The following TRAK2 variants were observed in gnomAD, a reference collection of about 807,000 sequenced individuals.
TRAK2 encodes the protein trafficking kinesin-binding protein 2.
Under a neutral mutation model 104.6 loss-of-function variants are expected in TRAK2, and 81 were observed. The observed-to-expected ratio is 0.77, with a 90% CI of 0.65 to 0.93. The LOEUF (loss-of-function observed/expected upper bound fraction) is 0.93, where lower values mean the gene tolerates loss of function less well. Among genes scored for constraint, TRAK2 ranks in the 40% least tolerant of loss-of-function variants. The probability of loss-of-function intolerance (pLI) is 0.00; values close to 1 mark genes in which losing one functional copy is unlikely to be tolerated. For missense variants in TRAK2, 1,002 were observed against 1,089.0 expected, an observed-to-expected ratio of 0.92 and a Z score of 1.12; for synonymous variants, 406 against 394.4, an observed-to-expected ratio of 1.03 and a Z score of -0.35.
At chr2:201,426,699 G>C (rs1421921039) in intron 1 of TRAK2, among the ~76,000 whole-genome samples, 1 of 152,170 alleles carries the variant, frequency 6.6e-6, no homozygotes, top group Admixed American at 6.5e-5. Flanking sequence ...TCCATCTAAA[G>C]AATCATGCCA....
chr2:201,406,620 C>T (rs11684481), intron 3 of TRAK2, among the ~76,000 whole-genome samples: 2,225 of 152,278 alleles, frequency 0.015, 26 homozygotes, highest in Non-Finnish European at 0.023. Flanking sequence ...GATGCAATCA[C>T]CTACTTAATT....
chr2:201,387,709 G>C lies in TRAK2; in HGVS notation c.1690C>G (p.Leu564Val). 3 of 1,599,178 alleles carry C rather than the reference G, an allele frequency of 1.9e-6. No homozygotes were observed. Among genetic ancestry groups the C allele is most frequent in the Non-Finnish European group, 2.6e-6 (3 of 1,171,312 alleles). Residue 564 changes from leucine (L) to valine (V), a missense_variant, in exon 13 of 16, where the codon CTT becomes GTT. Physicochemically the swap from Leu to Val is conservative, Grantham distance 32 (BLOSUM62 1). Coordinates refer to ENST00000332624, the MANE Select transcript of TRAK2 (RefSeq NM_015049.3). Reference protein sequence around the residue: ...MPEKLQIVKPLEGSQTLYHWQ... With the variant: ...MPEKLQIVKPVEGSQTLYHWQ... ...GCCCTTACTGATTTATTACCTTCAA[G>C]GGGCTTGACAATTTGTAATTTTTCT... is the stretch of plus-strand genomic sequence containing the variant.
At chr2:201,413,574 G>T (rs10210858) in intron 2 of TRAK2, among the ~76,000 whole-genome samples, 1,766 of 152,150 alleles carry the variant, frequency 0.012, 51 homozygotes, top group African/African-American at 0.04. Flanking sequence ...AATCAAGACT[G>T]CTAAAATAAG....
In TRAK2 at chr2:201,384,187, A is replaced by G. The variant is rs1350480913; in HGVS notation, c.1993T>C (p.Ser665Pro). The change falls in exon 15 of 16, where the codon TCG becomes CCG. Residue 665 changes from serine to proline, a missense_variant. By Grantham distance (74) the Ser-to-Pro change is moderately conservative (BLOSUM62 -1). Coordinates refer to ENST00000332624, the MANE Select transcript of TRAK2 (RefSeq NM_015049.3). ...VATANPGKCLSCTNSTFTFTT... is the reference protein window; with the variant it reads ...VATANPGKCLPCTNSTFTFTT... ...AAAGTGAATGTTGAGTTTGTGCACGACAGGCACTTTCCTGGGTTGGCGGTT... is the reference window on the plus strand; with the variant it reads ...AAAGTGAATGTTGAGTTTGTGCACGGCAGGCACTTTCCTGGGTTGGCGGTT... 2.5e-6 allele frequency: 4 copies of G among 1,613,402 alleles called. No individual in the cohort carries two copies. The highest frequency in any genetic ancestry group is 3.4e-6 in the Non-Finnish European group (4 of 1,179,692).
chr2:201,430,036 T>A (rs1485712028), intron 1 of TRAK2, among the ~76,000 whole-genome samples: 1 of 152,240 alleles, frequency 6.6e-6, no homozygotes, highest in East Asian at 1.9e-4. Context: ...TTTGTTAGTT[T>A]TCCTTCTAAC....
At chr2:201,411,166 A>C (rs1384217822) in intron 2 of TRAK2, 6 of 755,136 alleles carry the variant, frequency 7.9e-6, no homozygotes, top group Admixed American at 2.0e-5. Context: ...TTATCCATCA[A>C]TGTGTCTGTC....
At chr2:201,449,028 G>C (rs534500324) in intron 1 of TRAK2, among the ~76,000 whole-genome samples, 1 of 152,292 alleles carries the variant, frequency 6.6e-6, no homozygotes, top group African/African-American at 2.4e-5. Flanking sequence ...CCTGTAAACT[G>C]AAAAGAACCT....
chr2:201,404,625 T>G (rs1249530735), intron 3 of TRAK2, among the ~76,000 whole-genome samples: 1 of 152,236 alleles, frequency 6.6e-6, no homozygotes, highest in Non-Finnish European at 1.5e-5. Context: ...TAATCCATTC[T>G]AATATCTGTC....
Position 201,421,981 on chromosome 2 carries a change from A to G in TRAK2, c.-199-1275T>C, listed in dbSNP as rs537667064. ...GGAGAATCGCTTGAGCCTGGGAGGC[A>G]GAGGTTGCAGTGAGCTGAGATTGCG... On this transcript the variant is annotated intron_variant, in intron 1 of 15. Coordinates refer to ENST00000332624, the MANE Select transcript of TRAK2 (RefSeq NM_015049.3). Among the ~76,000 whole-genome samples the G allele has an allele frequency of 3.3e-5, 5 of 150,308 alleles. No homozygotes were observed. In the East Asian group the frequency reaches 9.9e-4, roughly 30 times the overall value.
chr2:201,395,012 T>C, intron 8 of TRAK2, 140 bp from the exon 9 acceptor site: 5 of 748,244 alleles, frequency 6.7e-6, no homozygotes, highest in Middle Eastern at 7.4e-4. Context: ...AAAAGCTAAA[T>C]AAGATAGGCA....
intron 5 of TRAK2, 76 bp downstream of exon 5, chr2:201,399,301 G>T: frequency 1.1e-6 from 1 of 951,024 alleles, no homozygotes. Context: ...TCATTTCAGG[G>T]ACACCTAGGA....
At chr2:201,406,535 T>C (rs973139916) in intron 3 of TRAK2, among the ~76,000 whole-genome samples, 1 of 152,236 alleles carries the variant, frequency 6.6e-6, no homozygotes, top group African/African-American at 2.4e-5. Flanking sequence ...AAATGAGTAT[T>C]GCACAATAGT....
chr2:201,383,006 T>C (rs1379667715), intron 15 of TRAK2, among the ~76,000 whole-genome samples: 2 of 152,248 alleles, frequency 1.3e-5, no homozygotes, highest in African/African-American at 2.4e-5. Context: ...ATAGTAGTTA[T>C]CTTTGGTAAA....
intron 10 of TRAK2, among the ~76,000 whole-genome samples, chr2:201,390,516 A>T (rs887995): frequency 0.57 from 81,697 of 144,582 alleles, 24,468 homozygotes; most frequent in South Asian, 0.68. Context: ...GTGAGCTGAG[A>T]TCGCACCACT....
chr2:201,382,453 G>C (rs531492311), intron 15 of TRAK2, among the ~76,000 whole-genome samples: 1 of 152,182 alleles, frequency 6.6e-6, no homozygotes, highest in South Asian at 2.1e-4. Context: ...TTGACTCCCT[G>C]GTCAAACCAG....
rs573726782 is a variant in TRAK2, at chr2:201,397,869, T to C, written c.690+276A>G. The C allele has an allele frequency of 7.3e-4, 402 of 553,854 alleles. 4 individuals are homozygous for C. In the South Asian group the frequency reaches 9.8e-3, roughly 13 times the overall value. 34.3% of individuals were successfully genotyped at this position (553,854 alleles called of 1,614,324 possible). ...TACTTAGTTACTTGTGTAAAAGTTA[T>C]CACAGTTGTAACTACTTAGTTACTT... is the stretch of plus-strand genomic sequence containing the variant. On this transcript the variant is annotated intron_variant, in intron 6 of 15. Transcript: ENST00000332624.
intron 3 of TRAK2, among the ~76,000 whole-genome samples, chr2:201,401,874 G>C (rs181562126): frequency 6.6e-6 from 1 of 152,042 alleles, no homozygotes; most frequent in East Asian, 1.9e-4. Context: ...AACAAAAGAG[G>C]GCTCTTTTGA....
At chr2:201,389,770 TTGAG>T (rs755332067) in intron 11 of TRAK2, 27 bp downstream of exon 11, 3 of 1,539,244 alleles carry the variant, frequency 1.9e-6, no homozygotes, top group South Asian at 1.2e-5. Flanking sequence ...ATTCCAATGA[TTGAG>T]TAACAACACA....
intron 1 of TRAK2, among the ~76,000 whole-genome samples, chr2:201,441,583 T>C (rs1158987460): frequency 1.3e-5 from 2 of 152,182 alleles, no homozygotes; most frequent in Non-Finnish European, 1.5e-5. Context: ...AGTTGTTAAA[T>C]TACATGCTTT....
Sources: allele counts gnomAD v4.1 joint callset (sites outside exome capture counted in the v4.1 genomes callset), GRCh38; gene constraint gnomAD v4.1.1; transcripts MANE v1.5; gene names NCBI Gene and HGNC (gene_info 2026-07-23, HGNC 2026-07-21).